The following LIFR variants were observed in gnomAD, a reference collection of about 807,000 sequenced individuals.
LIFR encodes the protein leukemia inhibitory factor receptor.
A neutral mutation model predicts 122.2 loss-of-function variants in LIFR; 84 were observed. The observed-to-expected ratio is 0.69, with a 90% CI of 0.58 to 0.82. LIFR has a LOEUF of 0.82. LIFR is among the 40% of genes least tolerant of loss of function. The probability of loss-of-function intolerance (pLI) is 0.00; values close to 1 mark genes in which losing one functional copy is unlikely to be tolerated. For synonymous variants in LIFR, 422 were observed against 434.7 expected (o/e 0.97, Z 0.36); for missense variants, 1,294 against 1,311.6 (o/e 0.99, Z 0.21).
At chr5:38,591,813 G>A (rs575867714) in intron 1 of LIFR, among the ~76,000 whole-genome samples, 1 of 152,356 alleles carries the variant, frequency 6.6e-6, no homozygotes, top group East Asian at 1.9e-4. Context: ...TGTGACGAAA[G>A]TTTGTTTCAA....
At chr5:38,579,275 C>T (rs942549729) in intron 1 of LIFR, 4 of 152,136 alleles carry the variant, frequency 2.6e-5, no homozygotes, top group Non-Finnish European at 5.9e-5. Flanking sequence ...ACCTTACCCA[C>T]AGCCATGTTA....
At chr5:38,564,920 C>A (rs1028743574) in intron 1 of LIFR, among the ~76,000 whole-genome samples, 1 of 151,784 alleles carries the variant, frequency 6.6e-6, no homozygotes, top group African/African-American at 2.4e-5. Flanking sequence ...ATTACAGGCG[C>A]CTGCCACCAT....
At chr5:38,575,737 T>C (rs1402365034) in intron 1 of LIFR, among the ~76,000 whole-genome samples, 2 of 152,142 alleles carry the variant, frequency 1.3e-5, no homozygotes, top group African/African-American at 4.8e-5. Context: ...CCACCTCTCA[T>C]ATCTCTTCTC....
intron 1 of LIFR, among the ~76,000 whole-genome samples, chr5:38,581,419 C>T (rs928726797): frequency 4.6e-5 from 7 of 152,150 alleles, no homozygotes; most frequent in Admixed American, 6.5e-5. Flanking sequence ...CTCACCATTC[C>T]GCAACCACTC....
intron 1 of LIFR, among the ~76,000 whole-genome samples, chr5:38,549,917 C>T (rs1335282876): frequency 6.6e-6 from 1 of 152,094 alleles, no homozygotes; most frequent in East Asian, 1.9e-4. Flanking sequence ...GAGGACCTCC[C>T]TCCAGATTTT....
chr5:38,490,005 A>AAAT (rs1327618682), intron 15 of LIFR, among the ~76,000 whole-genome samples, 185 bp downstream of exon 15: 21 of 150,770 alleles, frequency 1.4e-4, no homozygotes, highest in African/African-American at 4.1e-4. Context: ...AAAAAAAAAA[A>AAAT]AAAAAAAAAA....
At position 38,475,414 on chromosome 5, in the gene LIFR, C is replaced by T. The variant is rs1356041515; in HGVS notation, c.*6181G>A. 1 of 198,046 alleles carries T rather than the reference C, an allele frequency of 5.0e-6. No individual in the cohort carries two copies. Among genetic ancestry groups the T allele is most frequent in the African/African-American group, 2.3e-5 (1 of 43,446 alleles). The allele number at this position is 198,046 out of a possible 1,614,324, so 12.3% of individuals were successfully genotyped here. A position where few individuals can be genotyped will look rare whatever the true frequency, so the allele number is the denominator to read the frequency against. ...ATTAAACATGATTTTAGGTACAGCA[C>T]ATCACAACTGTTTATTCACCTTAAA... On this transcript the variant is annotated 3_prime_UTR_variant, in exon 20 of 20. Transcript: ENST00000453190.
chr5:38,566,452 T>A (rs544556319), intron 1 of LIFR, among the ~76,000 whole-genome samples: 1 of 152,218 alleles, frequency 6.6e-6, no homozygotes, highest in Non-Finnish European at 1.5e-5. Context: ...CAGCAATAGA[T>A]CTACATATAA....
upstream of LIFR, among the ~76,000 whole-genome samples, chr5:38,598,377 G>A (rs1256733022): frequency 6.7e-6 from 1 of 150,084 alleles, no homozygotes; most frequent in Non-Finnish European, 1.5e-5. Flanking sequence ...CTCCAAAGTA[G>A]CTGGAATTAC....
Position 38,512,542 on chromosome 5 carries a change from A to G in LIFR, c.562-578T>C, listed in dbSNP as rs186728571. 4.9e-3 allele frequency among the ~76,000 whole-genome samples: 748 copies of G among 152,292 alleles called. 15 individuals are homozygous for G. Among genetic ancestry groups the G allele is most frequent in the Admixed American group, 0.042 (645 of 15,288 alleles). Reference sequence around the variant, plus strand: ...GTAGTCCCAGCAACTCAGGAGGCTGAGGTGGGAGGGTCTATTGAGCCTGGA... The same window carrying G: ...GTAGTCCCAGCAACTCAGGAGGCTGGGGTGGGAGGGTCTATTGAGCCTGGA... On this transcript the variant is annotated intron_variant, in intron 5 of 19. Coordinates refer to ENST00000453190, the MANE Select transcript of LIFR (RefSeq NM_001127671.2).
upstream of LIFR, among the ~76,000 whole-genome samples, chr5:38,597,363 C>A (rs1221087997): frequency 6.6e-6 from 1 of 152,184 alleles, no homozygotes; most frequent in African/African-American, 2.4e-5. Context: ...ACAGAAGTAG[C>A]TCGTGGGGTG....
rs1355901735 is a variant in LIFR at position 38,477,654 on chromosome 5, T to C, written c.*3941A>G. The C allele has an allele frequency of 2.3e-5, 5 of 214,848 alleles. No individual in the cohort carries two copies. The highest frequency in any genetic ancestry group is 1.1e-4 in the African/African-American group (5 of 44,300). The allele number at this position is 214,848 out of a possible 1,614,324, so 13.3% of individuals were successfully genotyped here. On this transcript the variant is annotated 3_prime_UTR_variant, in exon 20 of 20. Transcript: ENST00000453190. ...TTTTCACTCAAACCGTGGAGTCACT[T>C]CCGAAGTAGATTTGAATCTTTGAGT...
intron 1 of LIFR, among the ~76,000 whole-genome samples, chr5:38,548,629 A>G (rs1183105488): frequency 2.0e-5 from 3 of 152,080 alleles, no homozygotes; most frequent in Non-Finnish European, 4.4e-5. Context: ...CTCACATCCC[A>G]CTCTAACACC....
Position 38,568,342 on chromosome 5 carries a change from A to G in LIFR, c.-20+26919T>C, listed in dbSNP as rs559008633. 2.0e-5 allele frequency among the ~76,000 whole-genome samples: 3 copies of G among 152,298 alleles called. No homozygotes were observed. In the East Asian group the frequency reaches 5.8e-4, roughly 29 times the overall value. ...TGAGCAGAGAGGGCTAAATGAAATG[A>G]GACAAGGGCCTATGGGAGTTTCTGG... On this transcript the variant is annotated intron_variant, in intron 1 of 19. Transcript: ENST00000263409.
intron 3 of LIFR, among the ~76,000 whole-genome samples, chr5:38,527,669 G>A (rs974961942): frequency 2.0e-5 from 3 of 152,068 alleles, no homozygotes; most frequent in Admixed American, 6.5e-5. Context: ...GATGTTCAAC[G>A]GATGCTGATG....
In LIFR at chr5:38,528,765, G is replaced by A. The variant is rs368802712; in HGVS notation, c.218C>T (p.Thr73Ile). The A allele has an allele frequency of 3.1e-6, 5 of 1,598,176 alleles. No individual in the cohort carries two copies. Among genetic ancestry groups the A allele is most frequent in the South Asian group, 1.1e-5 (1 of 88,426 alleles). The change falls in exon 3 of 20, where the codon ACA becomes ATA. Residue 73 changes from threonine (T) to isoleucine (I), a missense_variant. Transcript: ENST00000453190. ...WNCSWKAPSG[T>I]GRGTDYEVCI... ...AACTTCATAATCAGTACCACGGCCT[G>A]TTCCAGAGGGTGCTTTCCAAGAACA...
chr5:38,600,491 T>G, intron 2 of LIFR, among the ~76,000 whole-genome samples: 1 of 152,220 alleles, frequency 6.6e-6, no homozygotes, highest in East Asian at 1.9e-4. Context: ...AAGTTGCCTA[T>G]AACTTCTGCA....
rs767510422 is a variant in LIFR at position 38,528,861 on chromosome 5, CACACACACACACACACAG to C, written c.143-39_143-22del. 1.6e-4 allele frequency: 160 copies of C among 1,004,584 alleles called. 1 individual carries two copies. Among genetic ancestry groups the C allele is most frequent in the Non-Finnish European group, 2.1e-4 (137 of 659,654 alleles). 62.2% of individuals were successfully genotyped at this position (1,004,584 alleles called of 1,614,324 possible). A position where few individuals can be genotyped will look rare whatever the true frequency, so the allele number is the denominator to read the frequency against. On this transcript the variant is annotated intron_variant, in intron 2 of 19. Transcript: ENST00000453190. ...AGCCCCTGGAGGAGACACACACACA[CACACACACACACACACAG>C]ACACACATAAACACAGAATATGCTG...
At chr5:38,568,271 A>G (rs920174035) in intron 1 of LIFR, among the ~76,000 whole-genome samples, 2 of 152,216 alleles carry the variant, frequency 1.3e-5, no homozygotes, top group African/African-American at 4.8e-5. Context: ...AGGGGTTTCT[A>G]TGCTAAATGG....
Sources: allele counts gnomAD v4.1 joint callset (sites outside exome capture counted in the v4.1 genomes callset), GRCh38; gene constraint gnomAD v4.1.1; transcripts MANE v1.5; gene names NCBI Gene and HGNC (gene_info 2026-07-23, HGNC 2026-07-21).